The following RUNX3 variants were observed in gnomAD, a reference collection of about 807,000 sequenced individuals.
The protein encoded by RUNX3 is RUNX family transcription factor 3.
A neutral mutation model predicts 27.7 loss-of-function variants in RUNX3; 10 were observed. The observed-to-expected ratio is 0.36, with a 90% CI of 0.22 to 0.61. The LOEUF is 0.61. Among genes scored for constraint, RUNX3 ranks in the 20% least tolerant of loss-of-function variants. The pLI is 0.72. For synonymous variants in RUNX3, 270 were observed against 269.2 expected, an observed-to-expected ratio of 1.00 and a Z score of -0.03; for missense variants, 469 against 629.5, an observed-to-expected ratio of 0.75 and a Z score of 2.73.
At position 24,962,978 on chromosome 1, in the gene RUNX3, T is replaced by G. The variant is rs1642158265; in HGVS notation, c.58+1536A>C. 1 of 152,240 alleles carries G rather than the reference T, an allele frequency of 6.6e-6. No homozygotes were observed. The highest frequency in any genetic ancestry group is 2.4e-5 in the African/African-American group (1 of 41,460). The allele number at this position is 152,240 out of a possible 1,614,324, so 9.4% of individuals were successfully genotyped here. On this transcript the variant is annotated intron_variant, in intron 2 of 6. Transcript: ENST00000338888. This position sits in a 1 kb window ranked among gnomAD's most constrained non-coding sequence, Gnocchi z 4.5. ...AACTCTTATTTTCTTGCCACAGAAC[T>G]GCCTTTAATTAGCTCCGAGGACTAC...
chr1:24,957,172 C>T (rs1243620422), intron 2 of RUNX3, among the ~76,000 whole-genome samples: 3 of 152,224 alleles, frequency 2.0e-5, no homozygotes, highest in Non-Finnish European at 4.4e-5. Flanking sequence ...CGAAAGAAAA[C>T]CCCAAAGAGG....
chr1:24,959,656 G>A (rs1475353379), intron 2 of RUNX3, among the ~76,000 whole-genome samples: 1 of 152,166 alleles, frequency 6.6e-6, no homozygotes, highest in Non-Finnish European at 1.5e-5. Context: ...CTTCGGAAAG[G>A]ATACAGTGAC....
chr1:24,906,629 C>T (rs760382984), intron 4 of RUNX3, among the ~76,000 whole-genome samples: 11 of 152,308 alleles, frequency 7.2e-5, no homozygotes, highest in Non-Finnish European at 1.3e-4. Flanking sequence ...CTGTATCCGT[C>T]TAGGCAGTGG....
chr1:24,945,397 A>T (rs550779607), intron 2 of RUNX3, among the ~76,000 whole-genome samples: 1 of 152,000 alleles, frequency 6.6e-6, no homozygotes, highest in Non-Finnish European at 1.5e-5. Flanking sequence ...TAGCTTAAAA[A>T]CCCTCTTTGG....
At chr1:24,940,212 T>A (rs1167071565) in intron 2 of RUNX3, among the ~76,000 whole-genome samples, 5 of 152,016 alleles carry the variant, frequency 3.3e-5, no homozygotes, top group Non-Finnish European at 7.4e-5. Flanking sequence ...GAGGTAGAGA[T>A]CAAGTTGAGA....
chr1:24,953,129 G>T (rs1036145512), intron 2 of RUNX3, among the ~76,000 whole-genome samples: 3 of 152,110 alleles, frequency 2.0e-5, no homozygotes, highest in African/African-American at 4.8e-5. Context: ...CACTTTGGGA[G>T]GCTGAGGCGG....
chr1:24,964,739 C>A, intron 1 of RUNX3: 1 of 1,446,838 alleles, frequency 6.9e-7, no homozygotes, highest in Non-Finnish European at 9.1e-7. Flanking sequence ...TTTTTTCCCC[C>A]CTGCTGCTAC....
intron 2 of RUNX3, among the ~76,000 whole-genome samples, chr1:24,937,201 C>A (rs2124327704): frequency 6.6e-6 from 1 of 152,350 alleles, no homozygotes; most frequent in Middle Eastern, 3.4e-3. Context: ...ATCCCAGAGG[C>A]AGGGCCGGCT....
upstream of RUNX3, among the ~76,000 whole-genome samples, chr1:24,931,415 A>G (rs567331728): frequency 1.2e-3 from 186 of 152,192 alleles, no homozygotes; most frequent in Non-Finnish European, 2.5e-3. Context: ...CCCGCCTCCT[A>G]AGTCTGTCGA....
intron 3 of RUNX3, among the ~76,000 whole-genome samples, chr1:24,908,009 A>C (rs1244871487): frequency 1.4e-5 from 2 of 138,738 alleles, no homozygotes; most frequent in East Asian, 2.2e-4. Flanking sequence ...AAACCTCTAC[A>C]ACACGCGGTG....
chr1:24,963,582 C>T (rs1642176225), intron 2 of RUNX3, among the ~76,000 whole-genome samples: 1 of 152,170 alleles, frequency 6.6e-6, no homozygotes, highest in Admixed American at 6.5e-5. Flanking sequence ...AGTAACTCCC[C>T]TCCTAAGGTC....
chr1:24,900,764 C>T lies in RUNX3; in HGVS notation c.*1358G>A, dbSNP rs1640523085. On this transcript the variant is annotated 3_prime_UTR_variant, in exon 5 of 5. Transcript: ENST00000308873. Reference sequence around the variant, plus strand: ...GTCTCATCAGCGTTTCCCTCGTCCTCCCAGGGGAGCCTGTGGTGCAGGCTG... The same window carrying T: ...GTCTCATCAGCGTTTCCCTCGTCCTTCCAGGGGAGCCTGTGGTGCAGGCTG... The T allele has an allele frequency of 6.6e-6, 1 of 152,374 alleles. No homozygotes were observed. Among genetic ancestry groups the T allele is most frequent in the African/African-American group, 2.4e-5 (1 of 41,450 alleles). The allele number at this position is 152,374 out of a possible 1,614,324, so 9.4% of individuals were successfully genotyped here.
chr1:24,922,195 C>CTT (rs1283635731), intron 2 of RUNX3, among the ~76,000 whole-genome samples: 10 of 132,566 alleles, frequency 7.5e-5, no homozygotes, highest in Admixed American at 1.5e-4. Flanking sequence ...TCCTTTCTTT[C>CTT]TTTTTTTTTT....
chr1:24,927,365 A>G lies in RUNX3; in HGVS notation c.439+209T>C, dbSNP rs1284030028. On this transcript the variant is annotated intron_variant, in intron 2 of 4. Coordinates refer to ENST00000308873, the MANE Select transcript of RUNX3 (RefSeq NM_004350.3). The surrounding 1 kb of genome is among the most constrained non-coding windows in gnomAD (Gnocchi z 5.0). The stretch of plus-strand genomic sequence containing the variant: ...GTTGGTAAACCCTAGAAACTGGGAG[A>G]AAATTGTCTTTTTCTGGCAAGAGAC... Among the ~76,000 whole-genome samples the G allele has an allele frequency of 6.6e-6, 1 of 152,088 alleles. No homozygotes were observed. The highest frequency in any genetic ancestry group is 1.5e-5 in the Non-Finnish European group (1 of 68,002).
At chr1:24,939,999 A>G (rs2124334636) in intron 2 of RUNX3, among the ~76,000 whole-genome samples, 1 of 152,336 alleles carries the variant, frequency 6.6e-6, no homozygotes, top group African/African-American at 2.4e-5. Context: ...CAGCATGGGG[A>G]AGAGCACTGA....
At chr1:24,961,219 G>T (rs1195274915) in intron 2 of RUNX3, 3 of 152,242 alleles carry the variant, frequency 2.0e-5, no homozygotes, top group Non-Finnish European at 2.9e-5. Context: ...CTCTCCAGGG[G>T]TCTGGATCTC....
intron 2 of RUNX3, among the ~76,000 whole-genome samples, chr1:24,942,307 C>T (rs972822613): frequency 9.2e-5 from 14 of 152,184 alleles, no homozygotes; most frequent in African/African-American, 3.4e-4. Flanking sequence ...GGGATACAAG[C>T]AATGGACCAG....
In RUNX3 at chr1:24,962,038, G is replaced by A. The variant is rs1642127970; in HGVS notation, c.58+2476C>T. On this transcript the variant is annotated intron_variant, in intron 2 of 6. Transcript: ENST00000338888. This position sits in a 1 kb window ranked among gnomAD's most constrained non-coding sequence, Gnocchi z 4.5. The stretch of plus-strand genomic sequence containing the variant: ...AGATAACCGTGTCTTTCCTTTCCCT[G>A]GCCTCTAGCTGAAATTTAGCATCAT... 1 of 152,098 alleles carries A rather than the reference G, an allele frequency of 6.6e-6. No individual in the cohort carries two copies. The highest frequency in any genetic ancestry group is 6.5e-5 in the Admixed American group (1 of 15,270). The allele number at this position is 152,098 out of a possible 1,614,324, so 9.4% of individuals were successfully genotyped here. A position where few individuals can be genotyped will look rare whatever the true frequency, so the allele number is the denominator to read the frequency against.
chr1:24,921,088 A>G (rs914555239), intron 2 of RUNX3, among the ~76,000 whole-genome samples: 4 of 152,140 alleles, frequency 2.6e-5, no homozygotes, highest in African/African-American at 9.7e-5. Context: ...CTGGCACAGG[A>G]TGGTCAAGGA....
Sources: gnomAD v4.1 joint callset for allele counts (sites outside exome capture counted in the v4.1 genomes callset) on GRCh38, gnomAD v4.1.1 for gene constraint, Gnocchi (gnomAD v3.1) non-coding constraint, MANE v1.5 for transcripts, NCBI Gene and HGNC (gene_info 2026-07-23, HGNC 2026-07-21) for gene names.